The following PCDHA3 variants were observed in gnomAD, a reference collection of about 807,000 sequenced individuals.
PCDHA3 encodes the protein protocadherin alpha 3, also known as protocadherin alpha-3.
In PCDHA3, 41 loss-of-function variants were observed where a neutral mutation model predicts 62.2. The ratio of observed to expected loss-of-function variants is 0.66; its 90% CI spans 0.51 to 0.86. The LOEUF (loss-of-function observed/expected upper bound fraction) is 0.86, where lower values mean the gene tolerates loss of function less well. Ranked by LOEUF, PCDHA3 falls within the 40% of genes least tolerant of loss-of-function variation. The pLI, the probability that PCDHA3 is intolerant of heterozygous loss-of-function variation, is 0.00. For synonymous variants in PCDHA3, 640 were observed against 555.4 expected, an observed-to-expected ratio of 1.15 and a Z score of -2.14; for missense variants, 1,304 against 1,241.2, an observed-to-expected ratio of 1.05 and a Z score of -0.76.
At chr5:140,871,057 G>A (rs1554165044) in intron 1 of PCDHA3, 7 of 1,613,300 alleles carry the variant, frequency 4.3e-6, no homozygotes, top group Non-Finnish European at 5.9e-6. Flanking sequence ...ACTGGTGAAG[G>A]ATCACGGTGA....
intron 3 of PCDHA3, among the ~76,000 whole-genome samples, chr5:140,987,294 C>A (rs1406567852): frequency 6.6e-6 from 1 of 152,004 alleles, no homozygotes; most frequent in Non-Finnish European, 1.5e-5. Context: ...AACAAGCCTT[C>A]TATGTGATAC....
chr5:140,852,151 C>T, intron 1 of PCDHA3: 1 of 861,106 alleles, frequency 1.2e-6, no homozygotes, highest in Non-Finnish European at 1.4e-6. Context: ...ATCAGAATGG[C>T]CTTGAGAATA....
At chr5:140,856,384 G>C (rs202075661) in intron 1 of PCDHA3, 1 of 1,598,540 alleles carries the variant, frequency 6.3e-7, no homozygotes, top group African/African-American at 1.3e-5. Flanking sequence ...TGGACAGGCC[G>C]CTGCAGGTTT....
At chr5:141,009,118 C>G (rs2098400274) in intron 3 of PCDHA3, among the ~76,000 whole-genome samples, 1 of 152,182 alleles carries the variant, frequency 6.6e-6, no homozygotes, top group Non-Finnish European at 1.5e-5. Flanking sequence ...AAACTAGATT[C>G]TTGGTATCCT....
intron 1 of PCDHA3, among the ~76,000 whole-genome samples, chr5:140,945,549 G>A (rs246058): frequency 0.56 from 85,718 of 151,780 alleles, 24,784 homozygotes; most frequent in African/African-American, 0.69. Context: ...ACAAAAAAAT[G>A]AAGCTGAAGA....
rs1353542973 is a variant in PCDHA3 at position 140,828,575 on chromosome 5, G to T, written c.2394+24984G>T. On this transcript the variant is annotated intron_variant, in intron 1 of 3. Coordinates refer to ENST00000522353, the MANE Select transcript of PCDHA3 (RefSeq NM_018906.3). ...ACTGGAGGGCGCGTCCGATGCAGAT[G>T]TTGGCTCAAATTCCATCTTAACCTA... 1.2e-6 allele frequency: 2 copies of T among 1,614,260 alleles called. No homozygotes were observed. The highest frequency in any genetic ancestry group is 1.7e-6 in the Non-Finnish European group (2 of 1,180,044).
intron 1 of PCDHA3, chr5:140,843,675 T>A: frequency 6.3e-7 from 1 of 1,591,382 alleles, no homozygotes; most frequent in South Asian, 1.1e-5. Flanking sequence ...TCAGTTGATG[T>A]AGGCGAAGAG....
intron 1 of PCDHA3, among the ~76,000 whole-genome samples, chr5:140,975,393 C>G (rs2096665585): frequency 6.6e-6 from 1 of 152,256 alleles, no homozygotes. Flanking sequence ...TAAGATCCAT[C>G]ACAATCACAG....
chr5:140,822,274 T>C (rs201640591), intron 1 of PCDHA3: 32 of 1,614,098 alleles, frequency 2.0e-5, no homozygotes, highest in Non-Finnish European at 2.5e-5. Flanking sequence ...AAATGCACAA[T>C]TGAGATACAG....
At chr5:140,993,571 G>A (rs1298531948) in intron 3 of PCDHA3, among the ~76,000 whole-genome samples, 1 of 151,484 alleles carries the variant, frequency 6.6e-6, no homozygotes, top group Non-Finnish European at 1.5e-5. Flanking sequence ...TCCTTTCTAG[G>A]GATGCTTTTC....
chr5:140,830,104 G>A (rs2150181173), intron 1 of PCDHA3: 1 of 1,613,630 alleles, frequency 6.2e-7, no homozygotes, highest in Admixed American at 1.7e-5. Flanking sequence ...CGCTGGTGGA[G>A]AGTGGCCAGG....
intron 1 of PCDHA3, among the ~76,000 whole-genome samples, chr5:140,923,225 AGCCCAGAAG>A (rs2081250184): frequency 4.2e-5 from 3 of 71,942 alleles, no homozygotes; most frequent in Admixed American, 3.0e-4. Flanking sequence ...GGATCGTTTG[AGCCCAGAAG>A]TTTGAGACCA....
chr5:140,938,650 A>G (rs184257234), intron 1 of PCDHA3, among the ~76,000 whole-genome samples: 3 of 152,214 alleles, frequency 2.0e-5, no homozygotes, highest in Non-Finnish European at 2.9e-5. Flanking sequence ...ATCCTTCTTT[A>G]TATCATTAGA....
chr5:140,846,036 T>A (rs2150383909), intron 1 of PCDHA3, among the ~76,000 whole-genome samples: 1 of 149,754 alleles, frequency 6.7e-6, no homozygotes, highest in Non-Finnish European at 1.5e-5. Context: ...TTTAGGAAAG[T>A]CAAGTTAACA....
chr5:140,829,542 C>T, intron 1 of PCDHA3: 4 of 1,612,968 alleles, frequency 2.5e-6, no homozygotes, highest in Non-Finnish European at 3.4e-6. Context: ...GACGCGGACG[C>T]GCAGGAGAAC....
rs2098422979 is a variant in PCDHA3, at chr5:141,012,116, T to C, written c.*2179T>C. The C allele has an allele frequency of 6.5e-6, 1 of 153,756 alleles. No individual in the cohort carries two copies. Among genetic ancestry groups the C allele is most frequent in the African/African-American group, 2.4e-5 (1 of 41,464 alleles). The allele number at this position is 153,756 out of a possible 1,614,324, so 9.5% of individuals were successfully genotyped here. ...GATCATTTTGCCCCACTGAAGCCCA[T>C]GTATCTGACCTTACGTGCCTTTTGA... On this transcript the variant is annotated 3_prime_UTR_variant, in exon 4 of 4. Coordinates refer to ENST00000522353, the MANE Select transcript of PCDHA3 (RefSeq NM_018906.3).
At chr5:140,961,876 T>G (rs929753490) in intron 1 of PCDHA3, among the ~76,000 whole-genome samples, 1 of 151,746 alleles carries the variant, frequency 6.6e-6, no homozygotes, top group South Asian at 2.1e-4. Context: ...ATAATTGACT[T>G]ACTTACATCA....
chr5:140,960,727 CA>C (rs2095565377), intron 1 of PCDHA3, among the ~76,000 whole-genome samples: 3 of 30,176 alleles, frequency 9.9e-5, no homozygotes, highest in Non-Finnish European at 1.9e-4. Context: ...TATTTTAGTC[CA>C]TGATTTTAGT....
At chr5:141,003,536 C>T (rs1409675219) in intron 3 of PCDHA3, among the ~76,000 whole-genome samples, 1 of 152,152 alleles carries the variant, frequency 6.6e-6, no homozygotes, top group Non-Finnish European at 1.5e-5. Context: ...TGGTCTTGAA[C>T]TCCTGGCTTC....
Sources: gnomAD v4.1 joint callset for allele counts (sites outside exome capture counted in the v4.1 genomes callset) on GRCh38, gnomAD v4.1.1 for gene constraint, MANE v1.5 for transcripts, NCBI Gene and HGNC (gene_info 2026-07-23, HGNC 2026-07-21) for gene names.